The following DMD variants were observed in gnomAD, a reference collection of about 807,000 sequenced individuals.
DMD encodes mutant dystrophin.
DMD carries 63 observed loss-of-function variants against 330.1 expected under a neutral mutation model. The observed-to-expected ratio is 0.19, with a 90% confidence interval of 0.16 to 0.24. DMD has a LOEUF of 0.24. Among genes scored for constraint, DMD ranks in the 10% least tolerant of loss-of-function variants. DMD has a pLI of 1.00. For missense variants in DMD, 3,344 were observed against 2,684.1 expected (o/e 1.25, Z -5.43); for synonymous variants, 1,223 against 959.8 (o/e 1.27, Z -5.07).
intron 2 of DMD, among the ~76,000 whole-genome samples, chrX:32,855,781 A>AC (rs757556115): frequency 1.8e-5 from 2 of 111,613 alleles, no homozygotes; most frequent in East Asian, 5.6e-4. Flanking sequence ...GCAATACCCT[A>AC]CCAAGCACAA....
rs778185737 is a variant in DMD, at chrX:33,105,546, C to G, written c.32-85346G>C. On this transcript the variant is annotated intron_variant, in intron 1 of 78. Coordinates refer to ENST00000357033, the MANE Select transcript of DMD (RefSeq NM_004006.3). The stretch of plus-strand genomic sequence containing the variant: ...ACTGCATCTGACAACTGACCAATAT[C>G]TACAACCTACAAAGAACTCAAGCAA... 3.2e-4 allele frequency among the ~76,000 whole-genome samples: 36 copies of G among 112,307 alleles called. No homozygotes were observed. The South Asian group carries it at 0.013, about 41-fold the overall frequency.
At chrX:32,554,571 G>A (rs2049948249) in intron 16 of DMD, among the ~76,000 whole-genome samples, 1 of 109,181 alleles carries the variant, frequency 9.2e-6, no homozygotes, top group South Asian at 4.0e-4. Context: ...GAACCATAAA[G>A]GAAATGAATT....
At position 31,121,682 on chromosome X, in the gene DMD, A is replaced by G. The variant is rs955717911; in HGVS notation, c.*237T>C. The stretch of plus-strand genomic sequence containing the variant: ...AAAACCTGCCATTGTTAACAAAACA[A>G]TAACAGACTTAGAAACTACTGAAAT... On this transcript the variant is annotated 3_prime_UTR_variant, in exon 79 of 79. Coordinates refer to ENST00000357033, the MANE Select transcript of DMD (RefSeq NM_004006.3). 8.4e-5 allele frequency: 39 copies of G among 466,958 alleles called. No individual in the cohort carries two copies. The East Asian group carries it at 1.4e-3, about 17-fold the overall frequency. The allele number at this position is 466,958 out of a possible 1,213,427, so 38.5% of individuals were successfully genotyped here.
At chrX:33,006,408 G>C (rs987752110) in intron 2 of DMD, among the ~76,000 whole-genome samples, 1 of 111,894 alleles carries the variant, frequency 8.9e-6, no homozygotes, top group African/African-American at 3.2e-5. Context: ...TACATCAATA[G>C]AACAGAATAG....
intron 62 of DMD, 136 bp downstream of exon 62, chrX:31,323,462 C>G (rs2056564367): frequency 3.5e-6 from 2 of 573,424 alleles, no homozygotes; most frequent in East Asian, 3.6e-5. Flanking sequence ...AGTTTTTTAT[C>G]CAAGCTTCCT....
chrX:33,013,319 TAAACAA>T (rs924021465), intron 2 of DMD, among the ~76,000 whole-genome samples: 1 of 111,355 alleles, frequency 9.0e-6, no homozygotes, highest in African/African-American at 3.3e-5. Context: ...ATGGTATACA[TAAACAA>T]AAAGTTCCCA....
At chrX:32,852,638 C>A (rs1433721363) in intron 2 of DMD, among the ~76,000 whole-genome samples, 3 of 110,441 alleles carry the variant, frequency 2.7e-5, no homozygotes, top group African/African-American at 9.9e-5. Context: ...TCTGGACTCA[C>A]CTGGGGCCTG....
At chrX:31,739,040 C>T (rs1366765153) in intron 51 of DMD, among the ~76,000 whole-genome samples, 1 of 110,840 alleles carries the variant, frequency 9.0e-6, no homozygotes, top group African/African-American at 3.3e-5. Context: ...GGGACTATAA[C>T]CAATAATGAT....
At chrX:32,707,817 A>G (rs1262251914) in intron 7 of DMD, among the ~76,000 whole-genome samples, 1 of 111,983 alleles carries the variant, frequency 8.9e-6, no homozygotes, top group Non-Finnish European at 1.9e-5. Flanking sequence ...CAGATAGAAA[A>G]ACATCTGTAC....
intron 37 of DMD, among the ~76,000 whole-genome samples, chrX:32,354,890 T>G (rs970143485): frequency 1.8e-5 from 2 of 111,302 alleles, no homozygotes; most frequent in African/African-American, 6.5e-5. Context: ...TTTTATAAAG[T>G]TTAACTTAGA....
chrX:32,345,502 G>A (rs1190100043), intron 39 of DMD, among the ~76,000 whole-genome samples: 1 of 111,123 alleles, frequency 9.0e-6, no homozygotes, highest in East Asian at 2.8e-4. Context: ...ATAAATAAAA[G>A]AATCTAGGGC....
intron 11 of DMD, among the ~76,000 whole-genome samples, chrX:32,616,853 A>G (rs2057621223): frequency 9.2e-6 from 1 of 108,551 alleles, no homozygotes; most frequent in African/African-American, 3.3e-5. Context: ...AAATACTTCT[A>G]TATATAATTA....
chrX:31,239,743 G>C (rs1286304074), intron 63 of DMD, among the ~76,000 whole-genome samples: 1 of 111,862 alleles, frequency 8.9e-6, no homozygotes, highest in Admixed American at 9.5e-5. Flanking sequence ...TCTAGACCTT[G>C]GCATCTTCTT....
chrX:32,643,321 A>T (rs1472149313), intron 11 of DMD, among the ~76,000 whole-genome samples: 6 of 108,829 alleles, frequency 5.5e-5, no homozygotes, highest in Admixed American at 9.8e-5. Flanking sequence ...AGCATATCTA[A>T]TGAGTTTCCT....
At chrX:32,774,393 T>C (rs1254085041) in intron 7 of DMD, among the ~76,000 whole-genome samples, 1 of 111,894 alleles carries the variant, frequency 8.9e-6, no homozygotes, top group Non-Finnish European at 1.9e-5. Context: ...TTATTCTTTC[T>C]AGGTAGTTCT....
In DMD at chrX:32,821,493, CA is replaced by C. The variant is rs750583200; in HGVS notation, c.357+1801del. Among the ~76,000 whole-genome samples, 5 of 109,445 alleles carry C rather than the reference CA, an allele frequency of 4.6e-5. No homozygotes were observed. The South Asian group carries it at 2.0e-3, about 44-fold the overall frequency. On this transcript the variant is annotated intron_variant, in intron 5 of 78. Coordinates refer to ENST00000357033, the MANE Select transcript of DMD (RefSeq NM_004006.3). ...GTCCCAGCTACTCGGGAGGCTGAGG[CA>C]GGAGAATGGCGTGAATCCGGGAGGC...
intron 42 of DMD, among the ~76,000 whole-genome samples, chrX:32,288,679 A>C (rs970659319): frequency 3.6e-5 from 4 of 112,117 alleles, no homozygotes; most frequent in Non-Finnish European, 5.6e-5. Flanking sequence ...AAAAGCCTAC[A>C]TGAAAAATAA....
intron 4 of DMD, among the ~76,000 whole-genome samples, chrX:32,841,366 C>T (rs2080142370): frequency 1.8e-5 from 2 of 111,529 alleles, no homozygotes; most frequent in Non-Finnish European, 1.9e-5. Context: ...GAAAAGATTA[C>T]AAAACAAATA....
Position 31,134,954 on chromosome X carries a change from G to C in DMD, c.10922-760C>G, listed in dbSNP as rs772807565. On this transcript the variant is annotated intron_variant, in intron 76 of 78. Coordinates refer to ENST00000357033, the MANE Select transcript of DMD (RefSeq NM_004006.3). ...TGTAATCCCAGCCCTTTGGGAAGCCGAGGTGGGAGGATTGTTTGCTGCCAG... is the reference window on the plus strand; with the variant it reads ...TGTAATCCCAGCCCTTTGGGAAGCCCAGGTGGGAGGATTGTTTGCTGCCAG... Among the ~76,000 whole-genome samples the C allele has an allele frequency of 5.4e-5, 6 of 111,686 alleles. No homozygotes were observed. The South Asian group carries it at 2.3e-3, about 42-fold the overall frequency.
Sources: allele counts gnomAD v4.1 joint callset (sites outside exome capture counted in the v4.1 genomes callset), GRCh38; gene constraint gnomAD v4.1.1; transcripts MANE v1.5; gene names NCBI Gene and HGNC (gene_info 2026-07-23, HGNC 2026-07-21).